AFG2A: variants seen among roughly 807,000 people sequenced by gnomAD.
AFG2A encodes the protein AAA ATPase AFG2A, also known as ATPase family gene 2 protein homolog A.
At chr4:123,117,822 C>T in the AFG2A span, among the ~76,000 whole-genome samples, 1 of 150,938 alleles carries the variant, frequency 6.6e-6, no homozygotes, top group Non-Finnish European at 1.5e-5. Flanking sequence ...GATCTGTATT[C>T]TGTCACCACC....
the AFG2A span, among the ~76,000 whole-genome samples, chr4:123,228,036 C>G: frequency 2.0e-5 from 3 of 152,000 alleles, no homozygotes; most frequent in Admixed American, 2.0e-4. Flanking sequence ...ATTGCAACCC[C>G]TGCCTTTTTT....
the AFG2A span, among the ~76,000 whole-genome samples, chr4:123,138,039 G>A: frequency 6.6e-6 from 1 of 152,108 alleles, no homozygotes; most frequent in Non-Finnish European, 1.5e-5. Context: ...TTGCCTTTTA[G>A]CCCACACTTC....
chr4:123,137,685 A>G, the AFG2A span, among the ~76,000 whole-genome samples: 1 of 152,268 alleles, frequency 6.6e-6, no homozygotes, highest in South Asian at 2.1e-4. Context: ...ACCATTTAGT[A>G]TAAATTTCCA....
chr4:123,262,348 G>A, the AFG2A span, among the ~76,000 whole-genome samples: 1 of 152,166 alleles, frequency 6.6e-6, no homozygotes, highest in Non-Finnish European at 1.5e-5. Flanking sequence ...CTAACTCTAT[G>A]AGAGCAGTGC....
the AFG2A span, among the ~76,000 whole-genome samples, chr4:123,195,583 C>T: frequency 3.3e-5 from 5 of 151,968 alleles, no homozygotes; most frequent in African/African-American, 4.8e-5. Flanking sequence ...ATATAAAATT[C>T]GAGTTTAACA....
At chr4:123,096,886 G>A in the AFG2A span, among the ~76,000 whole-genome samples, 1 of 152,080 alleles carries the variant, frequency 6.6e-6, no homozygotes, top group Non-Finnish European at 1.5e-5. Flanking sequence ...CAGTTTTTCT[G>A]GAAGAGGAAA....
the AFG2A span, among the ~76,000 whole-genome samples, chr4:123,108,366 A>T: frequency 6.6e-6 from 1 of 152,168 alleles, no homozygotes; most frequent in African/African-American, 2.4e-5. Context: ...AATATAACTA[A>T]AATTATGAAA....
At chr4:123,240,477 C>T in the AFG2A span, among the ~76,000 whole-genome samples, 87 of 152,326 alleles carry the variant, frequency 5.7e-4, no homozygotes, top group African/African-American at 2.1e-3. Flanking sequence ...AAGAAACTCA[C>T]TCAAAACCGC....
At chr4:123,038,256 T>A in the AFG2A span, among the ~76,000 whole-genome samples, 1 of 152,060 alleles carries the variant, frequency 6.6e-6, no homozygotes, top group Non-Finnish European at 1.5e-5. Flanking sequence ...GTAGTAACAG[T>A]GTACAACTCA....
the AFG2A span, among the ~76,000 whole-genome samples, chr4:122,992,956 T>TTGTGTGTGTGTGTGTGTG: frequency 1.3e-4 from 17 of 132,868 alleles, no homozygotes; most frequent in African/African-American, 4.0e-4. Context: ...CCTGTAAGAT[T>TTGTGTGTGTGTGTGTGTG]TGTGTGTGTG....
chr4:123,193,523 A>C, the AFG2A span, among the ~76,000 whole-genome samples: 2 of 152,242 alleles, frequency 1.3e-5, no homozygotes, highest in Non-Finnish European at 2.9e-5. Flanking sequence ...AAAGCACTAT[A>C]GACAAAAGTG....
At chr4:123,303,022 A>G in the AFG2A span, among the ~76,000 whole-genome samples, 1 of 152,068 alleles carries the variant, frequency 6.6e-6, no homozygotes, top group African/African-American at 2.4e-5. Context: ...GGCTCCCAAC[A>G]TCTGTTTGCT....
At chr4:123,001,716 A>G in the AFG2A span, among the ~76,000 whole-genome samples, 4 of 152,076 alleles carry the variant, frequency 2.6e-5, no homozygotes. Context: ...GGAGAGCTTT[A>G]CTTCCAACTA....
At chr4:123,079,751 T>TC in the AFG2A span, among the ~76,000 whole-genome samples, 1 of 139,104 alleles carries the variant, frequency 7.2e-6, no homozygotes, top group East Asian at 2.1e-4. Context: ...CCTTCTTTTT[T>TC]TTTTTTTTTT....
chr4:123,136,674 CAA>C, the AFG2A span, among the ~76,000 whole-genome samples: 2 of 142,056 alleles, frequency 1.4e-5, no homozygotes. Context: ...AATTCCGTCT[CAA>C]AAAAAAAAAA....
At chr4:123,156,347 A>C in the AFG2A span, among the ~76,000 whole-genome samples, 1 of 152,148 alleles carries the variant, frequency 6.6e-6, no homozygotes, top group African/African-American at 2.4e-5. Flanking sequence ...TAGGCTTCAC[A>C]TTACGTACGT....
chr4:123,118,353 TTA>T, the AFG2A span, among the ~76,000 whole-genome samples: 2,158 of 129,752 alleles, frequency 0.017, 27 homozygotes, highest in African/African-American at 0.029. Context: ...ATTATATATA[TTA>T]TATATATATA....
the AFG2A span, among the ~76,000 whole-genome samples, chr4:122,981,869 T>A: frequency 6.6e-6 from 1 of 152,138 alleles, no homozygotes; most frequent in East Asian, 1.9e-4. Flanking sequence ...GCCAATTTAC[T>A]GAATTCATTT....
the AFG2A span, among the ~76,000 whole-genome samples, chr4:123,187,739 T>C: frequency 0.061 from 9,325 of 152,190 alleles, 956 homozygotes; most frequent in African/African-American, 0.21. Flanking sequence ...CTCACACCTG[T>C]AATCCCTGCA....
Sources: gnomAD v4.1 joint callset for allele counts (sites outside exome capture counted in the v4.1 genomes callset) on GRCh38, gnomAD v4.1.1 for gene constraint, MANE v1.5 for transcripts, NCBI Gene and HGNC (gene_info 2026-07-23, HGNC 2026-07-21) for gene names.